Variants in IRF2 observed in about 807,000 individuals in gnomAD.
The protein encoded by IRF2 is interferon regulatory factor 2.
A neutral mutation model predicts 40.6 loss-of-function variants in IRF2; 15 were observed. That is an observed-to-expected ratio of 0.37 (90% CI 0.25 to 0.57). The LOEUF is 0.57. Among genes scored for constraint, IRF2 ranks in the 20% least tolerant of loss-of-function variants. IRF2 has a pLI of 0.77. For synonymous variants in IRF2, 151 were observed against 165.5 expected, an observed-to-expected ratio of 0.91 and a Z score of 0.67; for missense variants, 317 against 455.7, an observed-to-expected ratio of 0.70 and a Z score of 2.77.
In IRF2 at chr4:184,399,047, C is replaced by T. The variant is rs1332091178; in HGVS notation, c.562G>A (p.Glu188Lys). ...GGATTGGTGACAATCTCTTGATTCT[C>T]AATGTTGCTGTCCAGATGGGACTGT... ...VGQSHLDSNI[E>K]NQEIVTNPPD... The change falls in exon 7 of 9, where the codon GAG becomes AAG. Residue 188 changes from glutamate to lysine, a missense_variant. By Grantham distance (56) the Glu-to-Lys change is moderately conservative. Transcript: ENST00000393593. The T allele has an allele frequency of 6.2e-7, 1 of 1,611,564 alleles. No homozygotes were observed. Among genetic ancestry groups the T allele is most frequent in the Non-Finnish European group, 8.5e-7 (1 of 1,178,734 alleles).
rs982112721 is a variant in IRF2, at chr4:184,408,039, T to C, written c.529+119A>G. Reference sequence around the variant, plus strand: ...AATCTGGGGGCTGGAACTTGCATTCTGAGATGATTCCAAGACCTCCTCCCA... The same window carrying C: ...AATCTGGGGGCTGGAACTTGCATTCCGAGATGATTCCAAGACCTCCTCCCA... On this transcript the variant is annotated intron_variant, in intron 6 of 8. Transcript: ENST00000393593. The surrounding 1 kb of genome is among the most constrained non-coding windows in gnomAD (Gnocchi z 4.9). 2.7e-5 allele frequency: 17 copies of C among 621,822 alleles called. No individual in the cohort carries two copies. The highest frequency in any genetic ancestry group is 1.4e-4 in the Admixed American group (5 of 35,910). 38.5% of individuals were successfully genotyped at this position (621,822 alleles called of 1,614,324 possible). A position where few individuals can be genotyped will look rare whatever the true frequency, so the allele number is the denominator to read the frequency against.
At chr4:184,399,375 C>T (rs1481389494) in intron 6 of IRF2, among the ~76,000 whole-genome samples, 1 of 152,224 alleles carries the variant, frequency 6.6e-6, no homozygotes, top group East Asian at 1.9e-4. Flanking sequence ...CCCGTCACAG[C>T]CGAGGCCACA....
At chr4:184,409,045 T>G (rs1189484225) in intron 5 of IRF2, among the ~76,000 whole-genome samples, 2 of 152,208 alleles carry the variant, frequency 1.3e-5, no homozygotes, top group Admixed American at 1.3e-4. Flanking sequence ...TAAACAGCTC[T>G]GCAAAAGCCA....
chr4:184,443,854 A>T (rs952247397), intron 1 of IRF2, among the ~76,000 whole-genome samples: 1 of 152,202 alleles, frequency 6.6e-6, no homozygotes, highest in East Asian at 1.9e-4. Context: ...CTATGACCAC[A>T]ACTCCTGCTG....
intron 8 of IRF2, among the ~76,000 whole-genome samples, chr4:184,390,134 C>A (rs1174579390): frequency 2.6e-5 from 4 of 152,188 alleles, no homozygotes; most frequent in Admixed American, 6.5e-5. Context: ...CAAGCGCAGA[C>A]CCCCAGCAGG....
chr4:184,441,626 A>G (rs1289627737), intron 1 of IRF2, among the ~76,000 whole-genome samples: 1 of 152,214 alleles, frequency 6.6e-6, no homozygotes, highest in Non-Finnish European at 1.5e-5. Flanking sequence ...CAAACCCTTG[A>G]AAATGATACC....
At chr4:184,436,215 T>C (rs759115307) in intron 1 of IRF2, among the ~76,000 whole-genome samples, 16 of 152,180 alleles carry the variant, frequency 1.1e-4, no homozygotes, top group Non-Finnish European at 2.2e-4. Flanking sequence ...GACCTCGTGA[T>C]CCGCCCACTT....
chr4:184,418,811 C>A lies in IRF2; in HGVS notation c.188-103G>T, dbSNP rs60530141. 7.4e-3 allele frequency: 6,867 copies of A among 927,870 alleles called. 299 individuals carry two copies. The African/African-American group carries it at 0.097, about 13-fold the overall frequency. The allele number at this position is 927,870 out of a possible 1,614,324, so 57.5% of individuals were successfully genotyped here. ...TGCTGGTCAGGCAGTATAAGGAAAC[C>A]TTTTCACTCCATGCTATACCTCCAG... On this transcript the variant is annotated intron_variant, in intron 3 of 8. Coordinates refer to ENST00000393593, the MANE Select transcript of IRF2 (RefSeq NM_002199.4).
At chr4:184,420,680 G>C (rs1737451439) in intron 2 of IRF2, among the ~76,000 whole-genome samples, 1 of 152,166 alleles carries the variant, frequency 6.6e-6, no homozygotes, top group Non-Finnish European at 1.5e-5. Context: ...GGCCCAAGCA[G>C]CTCTTGTGGC....
chr4:184,447,932 G>C (rs793783), intron 1 of IRF2, among the ~76,000 whole-genome samples: 69,027 of 152,086 alleles, frequency 0.45, 16,498 homozygotes, highest in East Asian at 0.62. Context: ...CAGGGTCTGC[G>C]GGTGGGAGGC....
intron 6 of IRF2, among the ~76,000 whole-genome samples, chr4:184,406,818 TA>T (rs1174982691): frequency 6.6e-6 from 1 of 152,156 alleles, no homozygotes; most frequent in Non-Finnish European, 1.5e-5. Flanking sequence ...AGGCTTGCCT[TA>T]AAAAGCGGCT....
chr4:184,444,722 C>A (rs1302336495), intron 1 of IRF2, among the ~76,000 whole-genome samples: 1 of 152,172 alleles, frequency 6.6e-6, no homozygotes, highest in African/African-American at 2.4e-5. Context: ...ATGTCCTGGG[C>A]AGGAAGAGGT....
rs1446846314 is a variant in IRF2, at chr4:184,404,843, G to A, written c.529+3315C>T. 1.3e-4 allele frequency among the ~76,000 whole-genome samples: 20 copies of A among 152,346 alleles called. 1 individual carries two copies. The highest frequency in any genetic ancestry group is 1.3e-3 in the Admixed American group (20 of 15,298). ...ATACACCTCACCAGGGTGACAGAGTGCAGGAGGAGGCAAGAGTGGGACAGG... is the reference window on the plus strand; with the variant it reads ...ATACACCTCACCAGGGTGACAGAGTACAGGAGGAGGCAAGAGTGGGACAGG... On this transcript the variant is annotated intron_variant, in intron 6 of 8. Transcript: ENST00000393593.
intron 1 of IRF2, among the ~76,000 whole-genome samples, chr4:184,445,079 C>A (rs930474605): frequency 2.0e-5 from 3 of 152,222 alleles, no homozygotes; most frequent in Admixed American, 2.0e-4. Flanking sequence ...TCCCCCACAG[C>A]ACCAATGACA....
At chr4:184,407,694 T>G (rs1358217484) in intron 6 of IRF2, among the ~76,000 whole-genome samples, 1 of 152,228 alleles carries the variant, frequency 6.6e-6, no homozygotes, top group Admixed American at 6.5e-5. Context: ...CTGAGTCTGA[T>G]ATACAGAAGG....
intron 1 of IRF2, among the ~76,000 whole-genome samples, chr4:184,431,032 A>G (rs958419170): frequency 6.6e-6 from 1 of 152,104 alleles, no homozygotes; most frequent in African/African-American, 2.4e-5. Flanking sequence ...CAAAGCGCAA[A>G]TGTTGCCTTC....
intron 1 of IRF2, among the ~76,000 whole-genome samples, chr4:184,452,770 C>CAAAAAAAAAAAAAAAAAAAAAA (rs530415114): frequency 9.3e-5 from 5 of 53,824 alleles, no homozygotes; most frequent in Admixed American, 2.8e-4. Context: ...GACCCTGTCT[C>CAAAAAAAAAAAAAAAAAAAAAA]AAAAAAAAAA....
intron 6 of IRF2, among the ~76,000 whole-genome samples, chr4:184,404,498 G>A (rs921654916): frequency 2.0e-5 from 3 of 152,060 alleles, no homozygotes; most frequent in Non-Finnish European, 4.4e-5. Flanking sequence ...GGATCAGTAC[G>A]ATTATTTCCA....
At chr4:184,469,457 A>T (rs1054370085) in intron 1 of IRF2, among the ~76,000 whole-genome samples, 5 of 152,174 alleles carry the variant, frequency 3.3e-5, no homozygotes, top group Admixed American at 2.0e-4. Flanking sequence ...AGGGAGGATC[A>T]TTTGAGGCCA....
Sources: gnomAD v4.1 joint callset for allele counts (sites outside exome capture counted in the v4.1 genomes callset) on GRCh38, gnomAD v4.1.1 for gene constraint, Gnocchi (gnomAD v3.1) non-coding constraint, MANE v1.5 for transcripts, NCBI Gene and HGNC (gene_info 2026-07-23, HGNC 2026-07-21) for gene names.